Variants in CHRNB4 observed in about 807,000 individuals in gnomAD.
CHRNB4 encodes the protein neuronal acetylcholine receptor subunit beta-4.
In CHRNB4, 23 loss-of-function variants were observed where a neutral mutation model predicts 40.4. The ratio of observed to expected loss-of-function variants is 0.57; its 90% CI spans 0.41 to 0.81. The LOEUF is 0.81. CHRNB4 is among the 30% of genes least tolerant of loss of function. The probability of loss-of-function intolerance (pLI) is 0.00; values close to 1 mark genes in which losing one functional copy is unlikely to be tolerated. For synonymous variants in CHRNB4, 285 were observed against 274.4 expected (o/e 1.04, Z -0.38); for missense variants, 568 against 670.6 (o/e 0.85, Z 1.69).
rs931779271 is a variant in CHRNB4 at position 78,624,738 on chromosome 15, A to G, written c.*395T>C. ...TGATATGGCAAATGCCAAGCCTCTG[A>G]GCTGGGAAGAATCTAGAAGTGTGTG... On this transcript the variant is annotated 3_prime_UTR_variant, in exon 6 of 6. Coordinates refer to ENST00000261751, the MANE Select transcript of CHRNB4 (RefSeq NM_000750.5). 7.1e-5 allele frequency: 31 copies of G among 433,920 alleles called. No individual in the cohort carries two copies. The highest frequency in any genetic ancestry group is 6.2e-4 in the African/African-American group (31 of 50,076). The allele number at this position is 433,920 out of a possible 1,614,324, so 26.9% of individuals were successfully genotyped here.
At chr15:78,641,217 C>A (rs148785662), upstream of CHRNB4, 42 of 1,257,582 alleles carry the variant, frequency 3.3e-5, no homozygotes, top group African/African-American at 6.4e-4. Flanking sequence ...GAGTGAGCGC[C>A]GGTCCTGGCC....
upstream of CHRNB4, among the ~76,000 whole-genome samples, chr15:78,646,011 G>A (rs901960281): frequency 1.3e-5 from 2 of 148,350 alleles, no homozygotes; most frequent in African/African-American, 5.0e-5. Flanking sequence ...AGTGAGCCAA[G>A]ATTGTGCCAC....
intron 2 of CHRNB4, among the ~76,000 whole-genome samples, 155 bp from the exon 3 acceptor site, chr15:78,631,487 A>G (rs2141374400): frequency 6.6e-6 from 1 of 152,270 alleles, no homozygotes; most frequent in Non-Finnish European, 1.5e-5. Flanking sequence ...CACACTCAGC[A>G]TGTTTGACAC....
chr15:78,629,690 G>A lies in CHRNB4; in HGVS notation c.615C>T (p.Ala205=), dbSNP rs371675951. ...FTPSGEWDIV[A]LPGRRTVNPQ... ...GGTTCACTGTCCTTCTCCCTGGGAGGGCCACTATGTCCCACTCACCACTGG... is the reference window on the plus strand; with the variant it reads ...GGTTCACTGTCCTTCTCCCTGGGAGAGCCACTATGTCCCACTCACCACTGG... Residue 205 remains alanine, a synonymous_variant, in exon 5 of 6, where the codon GCC becomes GCT. Coordinates refer to ENST00000261751, the MANE Select transcript of CHRNB4 (RefSeq NM_000750.5). The surrounding 1 kb of genome is among the most constrained non-coding windows in gnomAD (Gnocchi z 6.8). 20 of 1,613,984 alleles carry A rather than the reference G, an allele frequency of 1.2e-5. No homozygotes were observed. In the African/African-American group the frequency reaches 2.5e-4, roughly 20 times the overall value.
upstream of CHRNB4, among the ~76,000 whole-genome samples, chr15:78,642,131 ACT>A (rs1418258198): frequency 6.6e-6 from 1 of 151,902 alleles, no homozygotes; most frequent in Non-Finnish European, 1.5e-5. Flanking sequence ...TATCTCCAGG[ACT>A]CTCAGTCTTG....
intron 5 of CHRNB4, among the ~76,000 whole-genome samples, chr15:78,654,478 T>C (rs117214547): frequency 0.017 from 2,590 of 152,356 alleles, 49 homozygotes; most frequent in Admixed American, 0.064. Context: ...CACAGCATCA[T>C]GTGTCCTGGG....
intron 7 of CHRNB4, among the ~76,000 whole-genome samples, chr15:78,648,358 A>G (rs2054143586): frequency 6.8e-6 from 1 of 146,614 alleles, no homozygotes; most frequent in Non-Finnish European, 1.5e-5. Context: ...ACACCACTGC[A>G]CTCCAGCCTG....
chr15:78,634,438 G>A (rs1403856889), intron 2 of CHRNB4, among the ~76,000 whole-genome samples: 4 of 152,236 alleles, frequency 2.6e-5, no homozygotes, highest in African/African-American at 9.6e-5. Context: ...CGACTACGGA[G>A]GGAGAGGGGC....
intron 3 of CHRNB4, among the ~76,000 whole-genome samples, chr15:78,657,167 G>A (rs535420493): frequency 1.3e-5 from 2 of 152,002 alleles, no homozygotes; most frequent in Non-Finnish European, 2.9e-5. Context: ...TGGGGTTACA[G>A]GCACATGCCC....
chr15:78,630,971 G>T, intron 4 of CHRNB4, 105 bp downstream of exon 4: 1 of 854,780 alleles, frequency 1.2e-6, no homozygotes, highest in Non-Finnish European at 1.9e-6. Context: ...GCTGGGTAAA[G>T]CAGAGATGGG....
At chr15:78,660,049 A>T (rs2054239667) in intron 1 of CHRNB4, among the ~76,000 whole-genome samples, 1 of 152,072 alleles carries the variant, frequency 6.6e-6, no homozygotes, top group Admixed American at 6.5e-5. Context: ...TCTACTAATA[A>T]TACAAAAATT....
intron 2 of CHRNB4, among the ~76,000 whole-genome samples, chr15:78,634,394 C>A (rs982459546): frequency 1.6e-4 from 24 of 152,364 alleles, no homozygotes; most frequent in African/African-American, 5.3e-4. Flanking sequence ...CCAGCCTGAG[C>A]AAGCCTGGCT....
At chr15:78,650,949 T>C (rs151026686) in intron 6 of CHRNB4, among the ~76,000 whole-genome samples, 3,356 of 152,180 alleles carry the variant, frequency 0.022, 149 homozygotes, top group African/African-American at 0.076. Flanking sequence ...TGAGATTTCA[T>C]AGGGCGTAAG....
upstream of CHRNB4, among the ~76,000 whole-genome samples, chr15:78,645,860 C>T (rs780860563): frequency 6.6e-6 from 1 of 151,982 alleles, no homozygotes; most frequent in Non-Finnish European, 1.5e-5. Flanking sequence ...GAGATTGAAA[C>T]TATCCTGGCC....
At chr15:78,637,890 C>T (rs961926517) in intron 1 of CHRNB4, among the ~76,000 whole-genome samples, 1 of 152,190 alleles carries the variant, frequency 6.6e-6, no homozygotes, top group Non-Finnish European at 1.5e-5. Context: ...CTGAGCCCTG[C>T]TTCTTATATC....
intron 7 of CHRNB4, among the ~76,000 whole-genome samples, chr15:78,648,230 A>G (rs755281547): frequency 2.0e-5 from 3 of 151,402 alleles, no homozygotes; most frequent in Non-Finnish European, 4.4e-5. Context: ...TGTCTCTACT[A>G]AAAATACAAA....
chr15:78,645,090 C>T (rs539495981), upstream of CHRNB4, among the ~76,000 whole-genome samples: 12 of 152,080 alleles, frequency 7.9e-5, no homozygotes, highest in African/African-American at 2.7e-4. Flanking sequence ...CCAGCCAATC[C>T]GAAGCCCACA....
intron 7 of CHRNB4, among the ~76,000 whole-genome samples, chr15:78,648,049 A>C (rs955458569): frequency 6.6e-6 from 1 of 151,924 alleles, no homozygotes; most frequent in African/African-American, 2.4e-5. Context: ...GAAATGATTA[A>C]GTCATAAGGG....
In CHRNB4 at chr15:78,629,959, G is replaced by C. The variant is rs373007366; in HGVS notation, c.360-14C>G. Reference sequence around the variant, plus strand: ...GTCCCGTCGGCGCTGGGCAGGGTCAGGGCATGGAGAACATCGTGAAACCCA... The same window carrying C: ...GTCCCGTCGGCGCTGGGCAGGGTCACGGCATGGAGAACATCGTGAAACCCA... On this transcript the variant is annotated splice_polypyrimidine_tract_variant and intron_variant, in intron 4 of 5. Transcript: ENST00000261751. The surrounding 1 kb of genome is among the most constrained non-coding windows in gnomAD (Gnocchi z 6.8). 2.8e-5 allele frequency: 43 copies of C among 1,542,852 alleles called. No homozygotes were observed. Among genetic ancestry groups the C allele is most frequent in the Non-Finnish European group, 3.5e-5 (40 of 1,151,322 alleles).
Sources: gnomAD v4.1 joint callset for allele counts (sites outside exome capture counted in the v4.1 genomes callset) on GRCh38, gnomAD v4.1.1 for gene constraint, Gnocchi (gnomAD v3.1) non-coding constraint, MANE v1.5 for transcripts, NCBI Gene and HGNC (gene_info 2026-07-23, HGNC 2026-07-21) for gene names.